The following MAP4K4 variants were observed in gnomAD, a reference collection of about 807,000 sequenced individuals.
The protein encoded by MAP4K4 is mitogen-activated protein kinase kinase kinase kinase 4.
MAP4K4 carries 38 observed loss-of-function variants against 189.6 expected under a neutral mutation model. The ratio of observed to expected loss-of-function variants is 0.20; its 90% CI spans 0.15 to 0.26. The LOEUF (loss-of-function observed/expected upper bound fraction) is 0.26. MAP4K4 is among the 10% of genes least tolerant of loss of function. The pLI is 1.00. For missense variants in MAP4K4, 1,054 were observed against 1,726.9 expected (o/e 0.61, Z 6.91); for synonymous variants, 610 against 624.3 (o/e 0.98, Z 0.34).
intron 2 of MAP4K4, among the ~76,000 whole-genome samples, chr2:101,779,028 GT>G (rs1179099150): frequency 3.3e-5 from 5 of 152,064 alleles, no homozygotes; most frequent in African/African-American, 1.2e-4. Flanking sequence ...TTGTAACTTG[GT>G]TGCAATGACT....
At position 101,872,762 on chromosome 2, in the gene MAP4K4, C is replaced by T. The variant is rs200313293; in HGVS notation, c.2953-885C>T. The stretch of plus-strand genomic sequence containing the variant: ...TAGGACATGGTGACCCTCAGGTGTC[C>T]ATGGAGGGGGTCCAATGGTACAGGA... On this transcript the variant is annotated intron_variant, in intron 24 of 32. Transcript: ENST00000324219. 4.6e-5 allele frequency among the ~76,000 whole-genome samples: 7 copies of T among 152,118 alleles called. No individual in the cohort carries two copies. In the East Asian group the frequency reaches 1.2e-3, roughly 25 times the overall value.
chr2:101,819,928 G>A (rs1428792753), intron 3 of MAP4K4, among the ~76,000 whole-genome samples: 2 of 152,212 alleles, frequency 1.3e-5, no homozygotes, highest in African/African-American at 2.4e-5. Flanking sequence ...AATACATGGT[G>A]CCATGGTGAT....
chr2:101,846,520 A>T (rs1193497454), intron 12 of MAP4K4, among the ~76,000 whole-genome samples: 1 of 152,220 alleles, frequency 6.6e-6, no homozygotes, highest in Non-Finnish European at 1.5e-5. Flanking sequence ...AGTATCCATT[A>T]TCCAGCCTCT....
chr2:101,749,563 GA>G (rs1469783526), intron 2 of MAP4K4, among the ~76,000 whole-genome samples: 1 of 144,930 alleles, frequency 6.9e-6, no homozygotes, highest in Non-Finnish European at 1.5e-5. Flanking sequence ...AACCCTAGAA[GA>G]AAACCTAGGC....
chr2:101,698,599 G>C, intron 2 of MAP4K4, 61 bp downstream of exon 2: 1 of 1,504,538 alleles, frequency 6.6e-7, no homozygotes, highest in Non-Finnish European at 9.2e-7. Flanking sequence ...TGGGGGACGA[G>C]GAGAGGGTGA....
At chr2:101,718,135 A>G (rs1018073833) in intron 2 of MAP4K4, among the ~76,000 whole-genome samples, 2 of 151,810 alleles carry the variant, frequency 1.3e-5, no homozygotes, top group Non-Finnish European at 2.9e-5. Context: ...ACATGCCTGT[A>G]ATCCCAGCTA....
At position 101,864,996 on chromosome 2, in the gene MAP4K4, G is replaced by A. The variant is rs2097772681; in HGVS notation, c.2164G>A (p.Gly722Arg). 2 of 1,575,780 alleles carry A rather than the reference G, an allele frequency of 1.3e-6. No individual in the cohort carries two copies. Among genetic ancestry groups the A allele is most frequent in the African/African-American group, 2.7e-5 (2 of 73,794 alleles). Reference sequence around the variant, plus strand: ...TCGAGATTCCCCACTGCAGGGCAGTGGGCAGCAGAATAGCCAGGCAGGACA... The same window carrying A: ...TCGAGATTCCCCACTGCAGGGCAGTAGGCAGCAGAATAGCCAGGCAGGACA... Residue 722 changes from glycine (G) to arginine (R), a missense_variant, in exon 18 of 33, where the codon GGG becomes AGG. Gly to Arg is a moderately radical substitution (Grantham distance 125). Transcript: ENST00000324219.
chr2:101,872,291 G>GT (rs2098061013), intron 24 of MAP4K4, among the ~76,000 whole-genome samples: 1 of 152,040 alleles, frequency 6.6e-6, no homozygotes, highest in Non-Finnish European at 1.5e-5. Flanking sequence ...TTATTTTTGG[G>GT]AAACCTAGAA....
intron 2 of MAP4K4, among the ~76,000 whole-genome samples, chr2:101,714,136 G>A (rs1402441691): frequency 2.0e-5 from 3 of 152,084 alleles, no homozygotes; most frequent in East Asian, 1.9e-4. Context: ...ATGGTGCTGC[G>A]GAATGCTAAA....
At chr2:101,864,040 G>A in exon 17 of MAP4K4, 1 of 1,363,692 alleles carries the variant, frequency 7.3e-7, no homozygotes, top group Non-Finnish European at 9.8e-7. Context: ...CAGTGACGAG[G>A]TGCCTCCAAG....
At chr2:101,889,038 TAATC>T (rs1276273062) in intron 32 of MAP4K4, 103 bp downstream of exon 32, 6 of 1,119,618 alleles carry the variant, frequency 5.4e-6, no homozygotes, top group Non-Finnish European at 7.3e-6. Flanking sequence ...TTGATAAAAA[TAATC>T]AAGGAACTTT....
At chr2:101,746,890 C>G (rs1028175796) in intron 2 of MAP4K4, among the ~76,000 whole-genome samples, 3 of 151,978 alleles carry the variant, frequency 2.0e-5, no homozygotes, top group Non-Finnish European at 4.4e-5. Context: ...GTTGCTTAAA[C>G]ATATAGAATA....
chr2:101,700,777 A>T (rs1440928246), intron 2 of MAP4K4, among the ~76,000 whole-genome samples: 1 of 144,298 alleles, frequency 6.9e-6, no homozygotes, highest in African/African-American at 2.5e-5. Flanking sequence ...CATCAGTAAA[A>T]TGTGTTTTTT....
intron 2 of MAP4K4, among the ~76,000 whole-genome samples, chr2:101,772,524 C>T (rs141758861): frequency 6.6e-6 from 1 of 152,100 alleles, no homozygotes; most frequent in East Asian, 1.9e-4. Flanking sequence ...TTCCAAAGAC[C>T]TAAATGAAAT....
chr2:101,750,047 T>G (rs2067902051), intron 2 of MAP4K4, among the ~76,000 whole-genome samples: 1 of 149,142 alleles, frequency 6.7e-6, no homozygotes, highest in South Asian at 2.1e-4. Flanking sequence ...TAGGAACACT[T>G]TTACACTGTT....
chr2:101,791,459 AAC>A (rs2092873239), intron 3 of MAP4K4, among the ~76,000 whole-genome samples: 6 of 152,074 alleles, frequency 3.9e-5, no homozygotes, highest in African/African-American at 1.5e-4. Flanking sequence ...TATTATAATG[AAC>A]TAAATCCATT....
chr2:101,846,305 GT>G (rs1189915868), intron 12 of MAP4K4, among the ~76,000 whole-genome samples: 7 of 152,216 alleles, frequency 4.6e-5, no homozygotes, highest in Admixed American at 2.0e-4. Context: ...GAATGCTTGA[GT>G]TTTGAGACTC....
chr2:101,815,215 ATTC>A (rs368096285), intron 3 of MAP4K4, among the ~76,000 whole-genome samples: 88 of 152,256 alleles, frequency 5.8e-4, no homozygotes, highest in African/African-American at 2.0e-3. Context: ...TTATGATTAT[ATTC>A]TTCTATTGGT....
intron 2 of MAP4K4, among the ~76,000 whole-genome samples, chr2:101,761,757 A>G (rs1022620627): frequency 6.6e-6 from 1 of 151,908 alleles, no homozygotes; most frequent in Non-Finnish European, 1.5e-5. Flanking sequence ...GGGTTTCACC[A>G]TGTTGGCCAG....
Sources: gnomAD v4.1 joint callset for allele counts (sites outside exome capture counted in the v4.1 genomes callset) on GRCh38, gnomAD v4.1.1 for gene constraint, MANE v1.5 for transcripts, NCBI Gene and HGNC (gene_info 2026-07-23, HGNC 2026-07-21) for gene names.